Variants in TTLL8 observed in about 807,000 individuals in gnomAD.
TTLL8 encodes the protein protein monoglycylase TTLL8.
Under a neutral mutation model 77.8 loss-of-function variants are expected in TTLL8, and 65 were observed. The observed-to-expected ratio is 0.84, with a 90% CI of 0.68 to 1.03. The LOEUF (loss-of-function observed/expected upper bound fraction) is 1.03. TTLL8 is among the 50% of genes least tolerant of loss of function. The pLI is 0.00. For missense variants in TTLL8, 910 were observed against 1,004.5 expected, an observed-to-expected ratio of 0.91 and a Z score of 1.27; for synonymous variants, 402 against 422.8, an observed-to-expected ratio of 0.95 and a Z score of 0.60.
At chr22:50,038,448 C>T (rs1020661327) in intron 8 of TTLL8, among the ~76,000 whole-genome samples, 9 of 152,016 alleles carry the variant, frequency 5.9e-5, no homozygotes, top group East Asian at 3.9e-4. Flanking sequence ...ATTCTGATTT[C>T]AAGGAGGACA....
chr22:50,031,908 C>T, exon 11 of TTLL8: 1 of 1,367,098 alleles, frequency 7.3e-7, no homozygotes, highest in South Asian at 1.1e-5. Context: ...CCACGTGGTC[C>T]TGGGCCACCT....
In TTLL8 at chr22:50,033,474, T is replaced by C. The variant is rs749213448; in HGVS notation, c.1040-29A>G. 8.2e-6 allele frequency: 11 copies of C among 1,347,846 alleles called. No individual in the cohort carries two copies. In the East Asian group the frequency reaches 3.2e-4, roughly 39 times the overall value. 83.5% of individuals were successfully genotyped at this position (1,347,846 alleles called of 1,614,324 possible). ...CAAGAGGCCACCGCTCAACCCAGCA[T>C]GCACAGCCACTGTGCAGCGGGACCT... On this transcript the variant is annotated intron_variant, in intron 9 of 13. Transcript: ENST00000266182.
chr22:50,019,968 C>T (rs1286573892), intron 12 of TTLL8, among the ~76,000 whole-genome samples: 1 of 152,090 alleles, frequency 6.6e-6, no homozygotes, highest in East Asian at 1.9e-4. Context: ...CAGGAAAATC[C>T]TCACCAAAAT....
chr22:50,025,681 C>A (rs1328765028), intron 12 of TTLL8, among the ~76,000 whole-genome samples: 2 of 152,080 alleles, frequency 1.3e-5, no homozygotes, highest in African/African-American at 2.4e-5. Context: ...TCTATAAAAA[C>A]CACTACAAGT....
intron 8 of TTLL8, among the ~76,000 whole-genome samples, chr22:50,038,322 C>T (rs1160867169): frequency 2.0e-5 from 3 of 151,688 alleles, no homozygotes; most frequent in Admixed American, 2.0e-4. Context: ...CAAATAGGAA[C>T]TTTATTTCTT....
chr22:50,025,388 C>T (rs890171837), intron 12 of TTLL8, among the ~76,000 whole-genome samples: 1 of 151,960 alleles, frequency 6.6e-6, no homozygotes, highest in African/African-American at 2.4e-5. Flanking sequence ...CAGAAGAGGC[C>T]GGGCGCGGGG....
chr22:50,051,839 T>A (rs2061444982), intron 1 of TTLL8, among the ~76,000 whole-genome samples: 1 of 152,132 alleles, frequency 6.6e-6, no homozygotes, highest in African/African-American at 2.4e-5. Context: ...GTATTTTAAG[T>A]CAAGGAATTG....
chr22:50,035,274 G>A (rs112154403), intron 8 of TTLL8, among the ~76,000 whole-genome samples: 123 of 152,274 alleles, frequency 8.1e-4, no homozygotes, highest in African/African-American at 2.8e-3. Flanking sequence ...CTCCAAGGAC[G>A]CCAGCCGTGA....
intron 12 of TTLL8, among the ~76,000 whole-genome samples, chr22:50,021,523 T>C (rs1857212252): frequency 6.8e-6 from 1 of 146,362 alleles, no homozygotes; most frequent in Non-Finnish European, 1.5e-5. Context: ...CTCCTCCATC[T>C]GACGTGCACT....
At chr22:50,038,261 ATTTAAATTATTTAAATATTAAATTT>A (rs2146666194) in intron 8 of TTLL8, among the ~76,000 whole-genome samples, 1 of 145,030 alleles carries the variant, frequency 6.9e-6, no homozygotes, top group Non-Finnish European at 1.5e-5. Context: ...TTTATCATTT[ATTTAAATTATTTAAATATTAAATTT>A]TTTATATGAA....
chr22:50,053,916 G>A (rs150125905), intron 1 of TTLL8, among the ~76,000 whole-genome samples: 69 of 151,330 alleles, frequency 4.6e-4, no homozygotes, highest in Non-Finnish European at 6.6e-4. Context: ...TCACCGTGCC[G>A]TGCACCTGCA....
At chr22:50,035,771 G>C (rs940116129) in intron 8 of TTLL8, among the ~76,000 whole-genome samples, 4 of 152,210 alleles carry the variant, frequency 2.6e-5, no homozygotes, top group Admixed American at 2.0e-4. Flanking sequence ...ATACCAGCAA[G>C]CTCCCAGTGA....
chr22:50,040,042 A>T (rs1327226438), intron 8 of TTLL8, among the ~76,000 whole-genome samples: 2 of 151,116 alleles, frequency 1.3e-5, no homozygotes, highest in Non-Finnish European at 2.9e-5. Flanking sequence ...CACAGACCCC[A>T]CGTGTGCCAG....
intron 6 of TTLL8, among the ~76,000 whole-genome samples, chr22:50,043,154 GATAGATAA>G: frequency 6.6e-6 from 1 of 151,968 alleles, no homozygotes; most frequent in Admixed American, 6.6e-5. Flanking sequence ...TAGATGGATA[GATAGATAA>G]ACAGTGGTGC....
intron 12 of TTLL8, among the ~76,000 whole-genome samples, chr22:50,022,354 C>T (rs1245996362): frequency 1.3e-5 from 2 of 150,804 alleles, no homozygotes; most frequent in Non-Finnish European, 2.9e-5. Context: ...ATGTGTACTC[C>T]TCCATCTGAT....
chr22:50,032,920 A>G (rs773350170), intron 10 of TTLL8, among the ~76,000 whole-genome samples: 7 of 152,112 alleles, frequency 4.6e-5, no homozygotes, highest in Non-Finnish European at 8.8e-5. Flanking sequence ...CACCATTCCA[A>G]TCCCCCTGGG....
At chr22:50,055,005 A>C (rs1012801757), upstream of TTLL8, among the ~76,000 whole-genome samples, 1 of 152,164 alleles carries the variant, frequency 6.6e-6, no homozygotes, top group Non-Finnish European at 1.5e-5. Flanking sequence ...GGTTGTGGTA[A>C]GCTGAGATCG....
At chr22:50,028,499 A>T (rs1486989429) in intron 12 of TTLL8, among the ~76,000 whole-genome samples, 1 of 152,120 alleles carries the variant, frequency 6.6e-6, no homozygotes, top group Admixed American at 6.5e-5. Flanking sequence ...GGCAAGAGGC[A>T]TCTCCGTGAG....
chr22:50,033,733 C>T (rs879573620), intron 9 of TTLL8, among the ~76,000 whole-genome samples: 11 of 152,234 alleles, frequency 7.2e-5, no homozygotes, highest in African/African-American at 2.7e-4. Context: ...GACAGAGACA[C>T]TTTTAAAAGG....
Sources: allele counts gnomAD v4.1 joint callset (sites outside exome capture counted in the v4.1 genomes callset), GRCh38; gene constraint gnomAD v4.1.1; transcripts MANE v1.5; gene names NCBI Gene and HGNC (gene_info 2026-07-23, HGNC 2026-07-21).